CARS1: variants seen among roughly 807,000 people sequenced by gnomAD.
CARS1 encodes the protein cysteine--tRNA ligase, cytoplasmic.
CARS1 carries 48 observed loss-of-function variants against 106.2 expected under a neutral mutation model. That is an observed-to-expected ratio of 0.45 (90% confidence interval 0.36 to 0.57). The LOEUF is 0.57. Among genes scored for constraint, CARS1 ranks in the 20% least tolerant of loss-of-function variants. The pLI is 0.00. For missense variants in CARS1, 968 were observed against 1,057.2 expected, an observed-to-expected ratio of 0.92 and a Z score of 1.17; for synonymous variants, 409 against 403.4, an observed-to-expected ratio of 1.01 and a Z score of -0.17.
chr11:3,028,917 T>A lies in CARS1; in HGVS notation c.1031+79A>T. ...ACACCTGCTCCTCTGCTTCCCAAAC[T>A]CAGGCTCAGAGCTGGGGAGCTCCTC... On this transcript the variant is annotated intron_variant, in intron 9 of 22. Coordinates refer to ENST00000380525, the MANE Select transcript of CARS1 (RefSeq NM_001014437.3). The surrounding 1 kb of genome is among the most constrained non-coding windows in gnomAD (Gnocchi z 4.4). 1 of 988,850 alleles carries A rather than the reference T, an allele frequency of 1.0e-6. No individual in the cohort carries two copies. Among genetic ancestry groups the A allele is most frequent in the Non-Finnish European group, 1.6e-6 (1 of 622,890 alleles). The allele number at this position is 988,850 out of a possible 1,614,324, so 61.3% of individuals were successfully genotyped here. A position where few individuals can be genotyped will look rare whatever the true frequency, so the allele number is the denominator to read the frequency against.
intron 1 of CARS1, chr11:3,054,799 C>G (rs1486599652): frequency 1.3e-5 from 9 of 694,686 alleles, no homozygotes; most frequent in Non-Finnish European, 2.1e-5. Context: ...GGCACAGACT[C>G]ATGCTGAAAA....
In CARS1 at chr11:3,019,305, C is replaced by G. The variant is rs1213008977; in HGVS notation, c.1267-38G>C. On this transcript the variant is annotated intron_variant, in intron 11 of 22. Coordinates refer to ENST00000380525, the MANE Select transcript of CARS1 (RefSeq NM_001014437.3). The surrounding 1 kb of genome is among the most constrained non-coding windows in gnomAD (Gnocchi z 6.2). ...GAACACACAGTGACTGACCAGCCTA[C>G]CCGCTTGTCCAGGCCTTTATCACTT... is the stretch of plus-strand genomic sequence containing the variant. The G allele has an allele frequency of 7.3e-7, 1 of 1,375,566 alleles. No individual in the cohort carries two copies. Among genetic ancestry groups the G allele is most frequent in the Admixed American group, 2.8e-5 (1 of 35,788 alleles). The allele number at this position is 1,375,566 out of a possible 1,614,324, so 85.2% of individuals were successfully genotyped here.
chr11:3,010,321 G>A (rs1233337367), intron 18 of CARS1, among the ~76,000 whole-genome samples: 3 of 152,186 alleles, frequency 2.0e-5, no homozygotes, highest in African/African-American at 4.8e-5. Flanking sequence ...CTCGGCCTTC[G>A]ATGTCCCCCA....
At position 3,050,238 on chromosome 11, in the gene CARS1, T is replaced by C. The variant is rs1444814499; in HGVS notation, c.26-2237A>G. 2.0e-5 allele frequency among the ~76,000 whole-genome samples: 3 copies of C among 152,104 alleles called. No individual in the cohort carries two copies. Among genetic ancestry groups the C allele is most frequent in the African/African-American group, 4.8e-5 (2 of 41,378 alleles). On this transcript the variant is annotated intron_variant, in intron 1 of 22. Coordinates refer to ENST00000380525, the MANE Select transcript of CARS1 (RefSeq NM_001014437.3). The surrounding 1 kb of genome is among the most constrained non-coding windows in gnomAD (Gnocchi z 6.3). ...CCTGGGATGACTCTCGCTGGTGGGA[T>C]GACGAGTGCAGCGTCCCTCTAACTT... is the stretch of plus-strand genomic sequence containing the variant.
rs908290780 is a variant in CARS1 at position 3,034,278 on chromosome 11, T to C, written c.801+3772A>G. Among the ~76,000 whole-genome samples the C allele has an allele frequency of 2.0e-5, 3 of 152,200 alleles. No homozygotes were observed. Among genetic ancestry groups the C allele is most frequent in the African/African-American group, 7.2e-5 (3 of 41,446 alleles). ...CTCTGTTTCCCAGGCTGGAATGCAGTGGCGTGATCTCGGCTCACTGCAACC... is the reference window on the plus strand; with the variant it reads ...CTCTGTTTCCCAGGCTGGAATGCAGCGGCGTGATCTCGGCTCACTGCAACC... On this transcript the variant is annotated intron_variant, in intron 7 of 22. Transcript: ENST00000380525. This position sits in a 1 kb window ranked among gnomAD's most constrained non-coding sequence, Gnocchi z 6.3.
Position 3,020,440 on chromosome 11 carries a change from C to A in CARS1, c.1154-108G>T. 1.5e-6 allele frequency: 1 copy of A among 677,596 alleles called. No individual in the cohort carries two copies. Among genetic ancestry groups the A allele is most frequent in the Admixed American group, 2.3e-5 (1 of 44,184 alleles). 42.0% of individuals were successfully genotyped at this position (677,596 alleles called of 1,614,324 possible). On this transcript the variant is annotated intron_variant, in intron 10 of 22. Coordinates refer to ENST00000380525, the MANE Select transcript of CARS1 (RefSeq NM_001014437.3). The surrounding 1 kb of genome is among the most constrained non-coding windows in gnomAD (Gnocchi z 4.6). ...CCTAATGGGCAGTCCTTCTGACTAA[C>A]TTCTGTTTATTAACTTGGCTCAAGC...
intron 13 of CARS1, 40 bp from the exon 14 acceptor site, chr11:3,018,551 C>G (rs116421839): frequency 6.2e-7 from 1 of 1,612,506 alleles, no homozygotes; most frequent in African/African-American, 1.3e-5. Context: ...CTTATTCTCC[C>G]GAGTGCTACA....
Position 3,034,082 on chromosome 11 carries a change from T to C in CARS1, c.801+3968A>G, listed in dbSNP as rs1853246804. Among the ~76,000 whole-genome samples the C allele has an allele frequency of 6.6e-6, 1 of 152,144 alleles. No homozygotes were observed. Among genetic ancestry groups the C allele is most frequent in the African/African-American group, 2.4e-5 (1 of 41,424 alleles). On this transcript the variant is annotated intron_variant, in intron 7 of 22. Coordinates refer to ENST00000380525, the MANE Select transcript of CARS1 (RefSeq NM_001014437.3). The surrounding 1 kb of genome is among the most constrained non-coding windows in gnomAD (Gnocchi z 6.3). ...CAGGAACGAGCCACTGCACCTGGTCTGGGCTGGACAATTTGACCAACAGAA... is the reference window on the plus strand; with the variant it reads ...CAGGAACGAGCCACTGCACCTGGTCCGGGCTGGACAATTTGACCAACAGAA...
chr11:3,055,318 A>AT (rs370394660), intron 1 of CARS1, among the ~76,000 whole-genome samples: 66 of 150,740 alleles, frequency 4.4e-4, no homozygotes, highest in Middle Eastern at 3.5e-3. Flanking sequence ...CGCCCGGCTA[A>AT]TTTTTTTTTT....
At chr11:3,018,894 G>A (rs1011282623) in intron 12 of CARS1, 145 bp from the exon 13 acceptor site, 4 of 1,208,822 alleles carry the variant, frequency 3.3e-6, no homozygotes, top group Admixed American at 2.7e-5. Flanking sequence ...TGGAAGGACA[G>A]CCCAGGTTAA....
rs1854849475 is a variant in CARS1 at position 3,044,319 on chromosome 11, T to C, written c.275-2063A>G. Among the ~76,000 whole-genome samples the C allele has an allele frequency of 6.6e-6, 1 of 152,192 alleles. No homozygotes were observed. Among genetic ancestry groups the C allele is most frequent in the African/African-American group, 2.4e-5 (1 of 41,446 alleles). On this transcript the variant is annotated intron_variant, in intron 2 of 22. Transcript: ENST00000380525. The surrounding 1 kb of genome is among the most constrained non-coding windows in gnomAD (Gnocchi z 4.4). ...GCTGCTATCTCCACACAGCTGGCGA[T>C]GGGCTCCCCAGGAAAACGGGTTACC...
Position 3,004,424 on chromosome 11 carries a change from C to G in CARS1, c.2217+942G>C, listed in dbSNP as rs746571612. ...TCAATCAACCACCCTGTCGATTCTC[C>G]TTCCTCAGTTCCTCCCAGAGCCTCC... On this transcript the variant is annotated intron_variant, in intron 20 of 22. Coordinates refer to ENST00000380525, the MANE Select transcript of CARS1 (RefSeq NM_001014437.3). This position sits in a 1 kb window ranked among gnomAD's most constrained non-coding sequence, Gnocchi z 5.2. Among the ~76,000 whole-genome samples, 4 of 152,208 alleles carry G rather than the reference C, an allele frequency of 2.6e-5. No homozygotes were observed. Among genetic ancestry groups the G allele is most frequent in the Non-Finnish European group, 5.9e-5 (4 of 68,036 alleles).
rs911403339 is a variant in CARS1, at chr11:3,034,063, C to T, written c.801+3987G>A. Among the ~76,000 whole-genome samples, 1 of 152,088 alleles carries T rather than the reference C, an allele frequency of 6.6e-6. No individual in the cohort carries two copies. Among genetic ancestry groups the T allele is most frequent in the African/African-American group, 2.4e-5 (1 of 41,398 alleles). ...TCCCAAGGTGCTATGATTACAGGAA[C>T]GAGCCACTGCACCTGGTCTGGGCTG... On this transcript the variant is annotated intron_variant, in intron 7 of 22. Transcript: ENST00000380525. This position sits in a 1 kb window ranked among gnomAD's most constrained non-coding sequence, Gnocchi z 6.3.
In CARS1 at chr11:3,041,254, T is replaced by C. The variant is rs180836724; in HGVS notation, c.367-270A>G. 1.2e-4 allele frequency: 55 copies of C among 467,284 alleles called. No homozygotes were observed. The highest frequency in any genetic ancestry group is 5.7e-4 in the Middle Eastern group (1 of 1,752). The allele number at this position is 467,284 out of a possible 1,614,324, so 28.9% of individuals were successfully genotyped here. ...GGAGGGAGGCGATAAAGGGAATCAA[T>C]GATTTTATTGATTGTTGAAATGCTG... On this transcript the variant is annotated intron_variant, in intron 3 of 22. Transcript: ENST00000380525. This position sits in a 1 kb window ranked among gnomAD's most constrained non-coding sequence, Gnocchi z 4.9.
rs771118166 is a variant in CARS1 at position 3,039,961 on chromosome 11, C to T, written c.456-30G>A. 4.3e-6 allele frequency: 5 copies of T among 1,171,026 alleles called. No individual in the cohort carries two copies. The highest frequency in any genetic ancestry group is 1.5e-5 in the African/African-American group (1 of 64,594). 72.5% of individuals were successfully genotyped at this position (1,171,026 alleles called of 1,614,324 possible). The stretch of plus-strand genomic sequence containing the variant: ...AGCAATGAAAAAACAAACATTTCCA[C>T]ACCAGACGATATGTATAGCTTAACC... On this transcript the variant is annotated intron_variant, in intron 4 of 22. Transcript: ENST00000380525. The surrounding 1 kb of genome is among the most constrained non-coding windows in gnomAD (Gnocchi z 5.6).
chr11:3,017,220 C>T lies in CARS1; in HGVS notation c.1803G>A (p.Met601Ile). ...NVDTRTVMEEMRALVSQCNLY... is the reference protein window; with the variant it reads ...NVDTRTVMEEIRALVSQCNLY... The stretch of plus-strand genomic sequence containing the variant: ...GGTTGCACTGACTGACCAAGGCCCG[C>T]ATCTCTTCCATGACGGTGCGGGTGT... Residue 601 changes from methionine (M) to isoleucine (I), a missense_variant, in exon 16 of 23, where the codon ATG becomes ATA. Transcript: ENST00000380525. The surrounding 1 kb of genome is among the most constrained non-coding windows in gnomAD (Gnocchi z 4.9). 1.2e-6 allele frequency: 2 copies of T among 1,614,216 alleles called. No homozygotes were observed. The highest frequency in any genetic ancestry group is 1.7e-6 in the Non-Finnish European group (2 of 1,180,030).
chr11:3,042,075 A>G (rs1328464292), intron 3 of CARS1, 90 bp downstream of exon 3: 2 of 886,676 alleles, frequency 2.3e-6, no homozygotes, highest in East Asian at 5.1e-5. Context: ...CAAGGAACAG[A>G]GAAGTCTGTT....
At chr11:3,024,353 G>C (rs147481250) in intron 10 of CARS1, among the ~76,000 whole-genome samples, 39 of 152,232 alleles carry the variant, frequency 2.6e-4, no homozygotes, top group Admixed American at 7.2e-4. Context: ...TTTCCTAGGA[G>C]TTATCCAGGA....
rs1219740956 is a variant in CARS1 at position 3,003,818 on chromosome 11, C to T, written c.2218-1218G>A. Among the ~76,000 whole-genome samples, 1 of 152,110 alleles carries T rather than the reference C, an allele frequency of 6.6e-6. No homozygotes were observed. The highest frequency in any genetic ancestry group is 2.4e-5 in the African/African-American group (1 of 41,408). ...GGGAATGGTACAGGGAGAGGCAGGACCCCTCCCCCATGGTGCCTCGGGCCT... is the reference window on the plus strand; with the variant it reads ...GGGAATGGTACAGGGAGAGGCAGGATCCCTCCCCCATGGTGCCTCGGGCCT... On this transcript the variant is annotated intron_variant, in intron 20 of 22. Coordinates refer to ENST00000380525, the MANE Select transcript of CARS1 (RefSeq NM_001014437.3). This position sits in a 1 kb window ranked among gnomAD's most constrained non-coding sequence, Gnocchi z 4.8.
Sources: gnomAD v4.1 joint callset for allele counts (sites outside exome capture counted in the v4.1 genomes callset) on GRCh38, gnomAD v4.1.1 for gene constraint, Gnocchi (gnomAD v3.1) non-coding constraint, MANE v1.5 for transcripts, NCBI Gene and HGNC (gene_info 2026-07-23, HGNC 2026-07-21) for gene names.